Variants in HNRNPA1 observed in about 807,000 individuals in gnomAD.
The protein encoded by HNRNPA1 is epididymis secretory sperm binding protein.
A neutral mutation model predicts 44.4 loss-of-function variants in HNRNPA1; 7 were observed. The ratio of observed to expected loss-of-function variants is 0.16; its 90% CI spans 0.09 to 0.30. HNRNPA1 has a LOEUF of 0.30. HNRNPA1 is among the 10% of genes least tolerant of loss of function. HNRNPA1 has a pLI of 1.00. For synonymous variants in HNRNPA1, 169 were observed against 160.6 expected (o/e 1.05, Z -0.40); for missense variants, 193 against 465.8 (o/e 0.41, Z 5.39).
chr12:54,285,698 C>CT lies in HNRNPA1; in HGVS notation c.*1157dup, dbSNP rs1190482191. 9 of 152,142 alleles carry CT rather than the reference C, an allele frequency of 5.9e-5. No individual in the cohort carries two copies. The highest frequency in any genetic ancestry group is 2.1e-4 in the South Asian group (1 of 4,822). The allele number at this position is 152,142 out of a possible 1,614,324, so 9.4% of individuals were successfully genotyped here. On this transcript the variant is annotated 3_prime_UTR_variant, in exon 11 of 11. Coordinates refer to ENST00000340913, the MANE Select transcript of HNRNPA1 (RefSeq NM_031157.4). Reference sequence around the variant, plus strand: ...ATTGTATAGAAAATGATTTCTAAACCTTTAACAGTTAATATCCAATAATGT... The same window carrying CT: ...ATTGTATAGAAAATGATTTCTAAACCTTTTAACAGTTAATATCCAATAATGT...
Position 54,284,284 on chromosome 12 carries a change from A to G in HNRNPA1, c.1090A>G (p.Ser364Gly). The G allele has an allele frequency of 6.2e-7, 1 of 1,614,116 alleles. No individual in the cohort carries two copies. The highest frequency in any genetic ancestry group is 8.5e-7 in the Non-Finnish European group (1 of 1,179,998). Residue 364 changes from serine to glycine, a missense_variant, in exon 10 of 11, where the codon AGT becomes GGT. This residue lies in a region of HNRNPA1 where 136 missense variants were observed against 234.4 expected (regional missense o/e 0.58). Coordinates refer to ENST00000340913, the MANE Select transcript of HNRNPA1 (RefSeq NM_031157.4). ...QGGYGGSSSS[S>G]SYGSGRRF ...TGGCTATGGCGGTTCCAGCAGCAGC[A>G]GTAGCTATGGCAGTGGCAGAAGATT...
rs202057423 is a variant in HNRNPA1 at position 54,284,301 on chromosome 12, C to T, written c.1107C>T (p.Gly369=). The part of the protein sequence containing the change: ...GSSSSSSYGS[G]RRF ...GCAGCAGCAGTAGCTATGGCAGTGGCAGAAGATTTTAATTAGGTAAGTAAG... is the reference window on the plus strand; with the variant it reads ...GCAGCAGCAGTAGCTATGGCAGTGGTAGAAGATTTTAATTAGGTAAGTAAG... The change falls in exon 10 of 11, where the codon GGC becomes GGT. Residue 369 remains glycine, a synonymous_variant. Transcript: ENST00000340913. 3.7e-6 allele frequency: 6 copies of T among 1,613,790 alleles called. No homozygotes were observed. The South Asian group carries it at 4.4e-5, about 12-fold the overall frequency.
chr12:54,280,891 G>C, intron 1 of HNRNPA1, 69 bp downstream of exon 1: 1 of 1,560,524 alleles, frequency 6.4e-7, no homozygotes, highest in Non-Finnish European at 8.8e-7. Context: ...GATGCTGCTG[G>C]GTTTCGTTCC....
rs1944193423 is a variant in HNRNPA1, at chr12:54,282,655, C to T, written c.666C>T (p.Phe222=). The change falls in exon 6 of 11, where the codon TTC becomes TTT. Residue 222 remains phenylalanine (F), a synonymous_variant. Transcript: ENST00000340913. ...GNDNFGRGGN[F]SGRGGFGGSR... ...ACAACTTCGGTCGTGGAGGAAACTT[C>T]AGTGGTCGTGGTATGTATGGTTTAT... 4 of 1,613,300 alleles carry T rather than the reference C, an allele frequency of 2.5e-6. No homozygotes were observed. Among genetic ancestry groups the T allele is most frequent in the Admixed American group, 1.7e-5 (1 of 60,024 alleles).
At chr12:54,283,748 A>T in intron 8 of HNRNPA1, 64 bp from the exon 9 acceptor site, 2 of 1,504,454 alleles carry the variant, frequency 1.3e-6, no homozygotes, top group South Asian at 2.3e-5. Flanking sequence ...TCTGACTGCT[A>T]AACAGAATTG....
At chr12:54,282,036 T>G in intron 3 of HNRNPA1, 54 bp from the exon 4 acceptor site, 1 of 1,599,086 alleles carries the variant, frequency 6.3e-7, no homozygotes, top group Non-Finnish European at 8.5e-7. Flanking sequence ...TACCAAAATT[T>G]TTTATTCGAG....
rs909741861 is a variant in HNRNPA1, at chr12:54,285,466, A to G, written c.*922A>G. On this transcript the variant is annotated 3_prime_UTR_variant, in exon 11 of 11. Coordinates refer to ENST00000340913, the MANE Select transcript of HNRNPA1 (RefSeq NM_031157.4). ...CTAATATCAGAAAGCATTTTAATGA[A>G]CGTAAAGATAGGCTTACATTAAAGG... 3.3e-5 allele frequency: 5 copies of G among 152,330 alleles called. No individual in the cohort carries two copies. The highest frequency in any genetic ancestry group is 1.2e-4 in the African/African-American group (5 of 41,564). The allele number at this position is 152,330 out of a possible 1,614,324, so 9.4% of individuals were successfully genotyped here.
intron 10 of HNRNPA1, 94 bp from the exon 11 acceptor site, chr12:54,284,455 C>G: frequency 1.1e-6 from 1 of 876,942 alleles, no homozygotes; most frequent in East Asian, 2.6e-5. Flanking sequence ...ATATTCAGAT[C>G]AGCAAAATTT....
chr12:54,280,925 C>T lies in HNRNPA1; in HGVS notation c.15+103C>T, dbSNP rs1330988595. The T allele has an allele frequency of 6.6e-5, 86 of 1,302,634 alleles. No homozygotes were observed. In the East Asian group the frequency reaches 2.0e-3, roughly 30 times the overall value. The allele number at this position is 1,302,634 out of a possible 1,614,324, so 80.7% of individuals were successfully genotyped here. A position where few individuals can be genotyped will look rare whatever the true frequency, so the allele number is the denominator to read the frequency against. ...CCTTGCACCAGCCCATTCTACAGTT[C>T]CTTCGGTCGCTGCCACGGCCTACCC... On this transcript the variant is annotated intron_variant, in intron 1 of 10. Coordinates refer to ENST00000340913, the MANE Select transcript of HNRNPA1 (RefSeq NM_031157.4).
intron 9 of HNRNPA1, 34 bp from the exon 10 acceptor site, chr12:54,284,223 CT>C: frequency 6.2e-7 from 1 of 1,603,722 alleles, no homozygotes; most frequent in Non-Finnish European, 8.5e-7. Flanking sequence ...ACTGTTGGCA[CT>C]TTGAAACTTT....
At position 54,282,131 on chromosome 12, in the gene HNRNPA1, A is replaced by C. The variant is rs1944183826; in HGVS notation, c.321A>C (p.Ile107=). Reference sequence around the variant, plus strand: ...GTGCCCACTTAACTGTGAAAAAGATATTTGTTGGTGGCATTAAAGAAGACA... The same window carrying C: ...GTGCCCACTTAACTGTGAAAAAGATCTTTGTTGGTGGCATTAAAGAAGACA... ...RPGAHLTVKK[I]FVGGIKEDTE... is the part of the protein sequence containing the mutation. The change falls in exon 4 of 11, where the codon ATA becomes ATC. Residue 107 remains isoleucine (I), a synonymous_variant. Transcript: ENST00000340913. The C allele has an allele frequency of 1.2e-6, 2 of 1,608,260 alleles. No homozygotes were observed. The highest frequency in any genetic ancestry group is 2.7e-5 in the African/African-American group (2 of 74,848).
intron 8 of HNRNPA1, 151 bp from the exon 9 acceptor site, chr12:54,283,661 C>T (rs1286161889): frequency 1.3e-6 from 1 of 764,552 alleles, no homozygotes; most frequent in Non-Finnish European, 2.2e-6. Context: ...GAATGCCTTT[C>T]CCAGAGAATG....
intron 1 of HNRNPA1, 79 bp from the exon 2 acceptor site, chr12:54,281,307 G>A (rs1944164512): frequency 3.8e-6 from 3 of 789,860 alleles, no homozygotes; most frequent in Non-Finnish European, 4.4e-6. Flanking sequence ...TACACAGTTG[G>A]TGTCTAGTTT....
Position 54,284,725 on chromosome 12 carries a change from C to T in HNRNPA1, c.*181C>T. On this transcript the variant is annotated 3_prime_UTR_variant, in exon 11 of 11. Coordinates refer to ENST00000340913, the MANE Select transcript of HNRNPA1 (RefSeq NM_031157.4). Reference sequence around the variant, plus strand: ...AAAAACTCGAGGACTGTATTTGTGACTAATTGTATAACAGGTTATTTTAGT... The same window carrying T: ...AAAAACTCGAGGACTGTATTTGTGATTAATTGTATAACAGGTTATTTTAGT... 2.3e-6 allele frequency: 1 copy of T among 439,100 alleles called. No individual in the cohort carries two copies. Among genetic ancestry groups the T allele is most frequent in the South Asian group, 1.7e-5 (1 of 58,170 alleles). The allele number at this position is 439,100 out of a possible 1,614,324, so 27.2% of individuals were successfully genotyped here.
chr12:54,284,317 G>T lies in HNRNPA1; in HGVS notation c.*4G>T, dbSNP rs764587450. 1.9e-6 allele frequency: 3 copies of T among 1,613,370 alleles called. No individual in the cohort carries two copies. In the African/African-American group the frequency reaches 4.0e-5, roughly 22 times the overall value. ...TGGCAGTGGCAGAAGATTTTAATTA[G>T]GTAAGTAAGCACCTTTTTGTGTGTT... is the stretch of plus-strand genomic sequence containing the variant. On this transcript the variant is annotated splice_region_variant and 3_prime_UTR_variant, in exon 10 of 11. Transcript: ENST00000340913.
intron 4 of HNRNPA1, 35 bp from the exon 5 acceptor site, chr12:54,282,359 C>T (rs1202854877): frequency 1.9e-6 from 3 of 1,609,928 alleles, no homozygotes; most frequent in Admixed American, 3.3e-5. Flanking sequence ...CATTCTAAAC[C>T]CTGATACCAT....
At chr12:54,282,734 G>A (rs1592172260) in intron 6 of HNRNPA1, 66 bp from the exon 7 acceptor site, 7 of 1,588,194 alleles carry the variant, frequency 4.4e-6, no homozygotes, top group Admixed American at 3.4e-5. Context: ...TTACAGTACG[G>A]GAACTGCATT....
In HNRNPA1 at chr12:54,282,401, A is replaced by G. The variant is rs376013058; in HGVS notation, c.498A>G (p.Lys166=). The change falls in exon 5 of 11, where the codon AAA becomes AAG. Residue 166 remains lysine (K), a synonymous_variant. Transcript: ENST00000340913. ...TCTATGTTTTTTTTTTAGTTCAGAA[A>G]TACCATACTGTGAATGGCCACAACT... ...HDSVDKIVIQ[K]YHTVNGHNCE... The G allele has an allele frequency of 9.9e-6, 16 of 1,613,604 alleles. No homozygotes were observed. The African/African-American group carries it at 1.7e-4, about 18-fold the overall frequency.
chr12:54,284,117 T>C, intron 9 of HNRNPA1, 141 bp from the exon 10 acceptor site: 1 of 1,265,378 alleles, frequency 7.9e-7, no homozygotes, highest in East Asian at 2.4e-5. Flanking sequence ...ATTAGAAAAA[T>C]CATGGGACCT....
Sources: gnomAD v4.1 joint callset for allele counts on GRCh38, gnomAD v4.1.1 for gene constraint, gnomAD v4.1.1 regional missense constraint, MANE v1.5 for transcripts, NCBI Gene and HGNC (gene_info 2026-07-23, HGNC 2026-07-21) for gene names.